EDA2R: variants seen among roughly 807,000 people sequenced by gnomAD.
The protein encoded by EDA2R is ectodysplasin A2 receptor, also known as tumor necrosis factor receptor superfamily member 27.
Under a neutral mutation model 20.1 loss-of-function variants are expected in EDA2R, and 26 were observed. The observed-to-expected ratio is 1.30, with a 90% CI of 0.95 to 1.80. The LOEUF is 1.80. EDA2R is among the 40% of genes most tolerant of loss of function. The probability of loss-of-function intolerance (pLI) is 0.00; values close to 1 mark genes in which losing one functional copy is unlikely to be tolerated. For synonymous variants in EDA2R, 114 were observed against 88.7 expected, an observed-to-expected ratio of 1.29 and a Z score of -1.60; for missense variants, 277 against 228.7, an observed-to-expected ratio of 1.21 and a Z score of -1.36.
At position 66,605,221 on chromosome X, in the gene EDA2R, A is replaced by G. The variant is rs963216689; in HGVS notation, c.93T>C (p.Cys31=). The stretch of plus-strand genomic sequence containing the variant: ...AGGCATCTCCACCCTCTCCATAACC[A>G]CAATCCTGTAGACAGATGGGGGTTG... ...CGPGQELSKD[C]GYGEGGDAYC... Residue 31 remains cysteine, a synonymous_variant, in exon 3 of 7, where the codon TGT becomes TGC. Transcript: ENST00000374719. 6 of 1,201,858 alleles carry G rather than the reference A, an allele frequency of 5.0e-6. No individual in the cohort carries two copies. The highest frequency in any genetic ancestry group is 2.2e-5 in the Admixed American group (1 of 45,031).
In EDA2R at chrX:66,599,799, T is replaced by C. The variant is rs754845841; in HGVS notation, c.579A>G (p.Pro193=). ...ACTCAGCACTGGTCTCCTTGCTGGG[T>C]GGCACGGGGAAGAGAGATTCCTCCT... ...TAKEESLFPV[P]PSKETSAESQ... Residue 193 remains proline, a synonymous_variant, in exon 6 of 7, where the codon CCA becomes CCG. Coordinates refer to ENST00000374719, the MANE Select transcript of EDA2R (RefSeq NM_021783.5). 3 of 1,207,298 alleles carry C rather than the reference T, an allele frequency of 2.5e-6. No individual in the cohort carries two copies. The highest frequency in any genetic ancestry group is 3.4e-6 in the Non-Finnish European group (3 of 894,106).
chrX:66,627,431 G>GA (rs1235454411), intron 1 of EDA2R, among the ~76,000 whole-genome samples: 1 of 112,116 alleles, frequency 8.9e-6, no homozygotes, highest in Non-Finnish European at 1.9e-5. Context: ...AAAAGGGATG[G>GA]AAAAAGGCAT....
At chrX:66,622,409 C>T (rs1353984931) in intron 1 of EDA2R, among the ~76,000 whole-genome samples, 2 of 111,892 alleles carry the variant, frequency 1.8e-5, no homozygotes, top group East Asian at 5.6e-4. Flanking sequence ...CTCTTCTCAA[C>T]TTGCACACAT....
intron 1 of EDA2R, among the ~76,000 whole-genome samples, chrX:66,625,418 C>T (rs1482847900): frequency 1.8e-5 from 2 of 110,720 alleles, no homozygotes; most frequent in Non-Finnish European, 3.8e-5. Context: ...TGACCACCTG[C>T]ATGACTCAGC....
chrX:66,620,567 T>C lies in EDA2R; in HGVS notation c.-10-4537A>G, dbSNP rs575344741. ...TCTTATAAGAAAATATAGGTGTAAATTTTTGTGACACTGGATTAGGAAGTA... is the reference window on the plus strand; with the variant it reads ...TCTTATAAGAAAATATAGGTGTAAACTTTTGTGACACTGGATTAGGAAGTA... On this transcript the variant is annotated intron_variant, in intron 1 of 6. Transcript: ENST00000374719. Among the ~76,000 whole-genome samples, 169 of 111,599 alleles carry C rather than the reference T, an allele frequency of 1.5e-3. 1 individual carries two copies. Among genetic ancestry groups the C allele is most frequent in the African/African-American group, 5.4e-3 (166 of 30,767 alleles).
intron 1 of EDA2R, among the ~76,000 whole-genome samples, chrX:66,627,162 C>G (rs898723855): frequency 1.8e-5 from 2 of 111,869 alleles, no homozygotes; most frequent in Non-Finnish European, 3.8e-5. Context: ...AAAAATAGAA[C>G]CTCTTTAAAG....
At chrX:66,629,257 A>C (rs1933462821) in intron 1 of EDA2R, among the ~76,000 whole-genome samples, 1 of 111,704 alleles carries the variant, frequency 9.0e-6, no homozygotes, top group Non-Finnish European at 1.9e-5. Flanking sequence ...AAAAGTTAAA[A>C]GCATTCCCTC....
intron 1 of EDA2R, among the ~76,000 whole-genome samples, chrX:66,617,773 G>A (rs1258613071): frequency 9.1e-6 from 1 of 110,492 alleles, no homozygotes; most frequent in East Asian, 2.9e-4. Context: ...CCTCTGTCTA[G>A]GCAAGGCAGG....
chrX:66,633,994 A>G (rs1042888099), intron 1 of EDA2R, among the ~76,000 whole-genome samples: 1 of 111,606 alleles, frequency 9.0e-6, no homozygotes, highest in Non-Finnish European at 1.9e-5. Flanking sequence ...TGAAGATGTC[A>G]ACAAGAACAG....
intron 1 of EDA2R, among the ~76,000 whole-genome samples, chrX:66,631,619 A>G (rs1406980328): frequency 9.0e-6 from 1 of 111,610 alleles, no homozygotes; most frequent in Non-Finnish European, 1.9e-5. Context: ...ATTTTAAATA[A>G]TGGTTTGATA....
chrX:66,603,592 TA>T (rs952431840), intron 4 of EDA2R, among the ~76,000 whole-genome samples: 15 of 108,270 alleles, frequency 1.4e-4, no homozygotes, highest in East Asian at 2.9e-4. Flanking sequence ...CTTTGCATAG[TA>T]AAAAAAAAAT....
chrX:66,611,952 A>G (rs1427299891), intron 2 of EDA2R, among the ~76,000 whole-genome samples: 1 of 111,866 alleles, frequency 8.9e-6, no homozygotes, highest in Non-Finnish European at 1.9e-5. Flanking sequence ...CATTACCTAT[A>G]GAAAAACACC....
chrX:66,618,972 A>G (rs1932168508), intron 1 of EDA2R, among the ~76,000 whole-genome samples: 1 of 112,453 alleles, frequency 8.9e-6, no homozygotes, highest in African/African-American at 3.2e-5. Flanking sequence ...GCAATAATAC[A>G]TATTAAGGGA....
chrX:66,620,722 C>T (rs752485120), intron 1 of EDA2R, among the ~76,000 whole-genome samples: 2 of 109,667 alleles, frequency 1.8e-5, no homozygotes, highest in African/African-American at 6.6e-5. Flanking sequence ...AAAAGACAAT[C>T]CACATAATAG....
At chrX:66,631,007 G>A (rs1476663991) in intron 1 of EDA2R, among the ~76,000 whole-genome samples, 1 of 109,408 alleles carries the variant, frequency 9.1e-6, no homozygotes, top group Non-Finnish European at 1.9e-5. Flanking sequence ...ACACACGTTT[G>A]TGTGTATATA....
intron 1 of EDA2R, among the ~76,000 whole-genome samples, chrX:66,637,329 C>T (rs749606233): frequency 3.6e-5 from 4 of 111,841 alleles, no homozygotes; most frequent in Non-Finnish European, 5.6e-5. Flanking sequence ...GGCCTTGTTC[C>T]CTCTCTGCCC....
At chrX:66,629,342 G>T (rs1038304380) in intron 1 of EDA2R, among the ~76,000 whole-genome samples, 1 of 111,521 alleles carries the variant, frequency 9.0e-6, no homozygotes, top group Non-Finnish European at 1.9e-5. Context: ...CCTCGCCAGA[G>T]CAACCAGGCA....
rs1007105659 is a variant in EDA2R, at chrX:66,596,800, A to C, written c.*1304T>G. 8.9e-6 allele frequency: 1 copy of C among 112,477 alleles called. No homozygotes were observed. The highest frequency in any genetic ancestry group is 1.9e-5 in the Non-Finnish European group (1 of 53,283). The allele number at this position is 112,477 out of a possible 1,213,427, so 9.3% of individuals were successfully genotyped here. On this transcript the variant is annotated 3_prime_UTR_variant, in exon 7 of 7. Coordinates refer to ENST00000374719, the MANE Select transcript of EDA2R (RefSeq NM_021783.5). ...GGAAACCTAAAGGCCAAGGCCTAAA[A>C]CCTTGGTTACCACATATTTGCTAAT...
At chrX:66,618,319 G>A (rs746102933) in intron 1 of EDA2R, among the ~76,000 whole-genome samples, 7 of 112,296 alleles carry the variant, frequency 6.2e-5, no homozygotes, top group Middle Eastern at 4.6e-3. Flanking sequence ...AGGTCAGGGC[G>A]TATGTGTAAA....
Sources: allele counts gnomAD v4.1 joint callset (sites outside exome capture counted in the v4.1 genomes callset), GRCh38; gene constraint gnomAD v4.1.1; transcripts MANE v1.5; gene names NCBI Gene and HGNC (gene_info 2026-07-23, HGNC 2026-07-21).